B4GALT1: variants seen among roughly 807,000 people sequenced by gnomAD.
The protein encoded by B4GALT1 is N-acetyllactosamine synthase.
In B4GALT1, 16 loss-of-function variants were observed where a neutral mutation model predicts 34.9. The observed-to-expected ratio is 0.46, with a 90% CI of 0.31 to 0.70. The LOEUF (loss-of-function observed/expected upper bound fraction) is 0.70. Among genes scored for constraint, B4GALT1 ranks in the 30% least tolerant of loss-of-function variants. B4GALT1 has a pLI of 0.05. For missense variants in B4GALT1, 445 were observed against 530.5 expected, an observed-to-expected ratio of 0.84 and a Z score of 1.58; for synonymous variants, 221 against 218.1, an observed-to-expected ratio of 1.01 and a Z score of -0.12.
At chr9:33,182,766 T>C in the B4GALT1 span, among the ~76,000 whole-genome samples, 28 of 152,366 alleles carry the variant, frequency 1.8e-4, no homozygotes, top group South Asian at 1.7e-3. Context: ...TTCATTTGGC[T>C]AGGAAACTAA....
At chr9:33,165,335 A>G (rs1327843125) in intron 1 of B4GALT1, among the ~76,000 whole-genome samples, 2 of 152,140 alleles carry the variant, frequency 1.3e-5, no homozygotes, top group Non-Finnish European at 2.9e-5. Flanking sequence ...GTAATCATCG[A>G]CAACCACATT....
chr9:33,151,109 T>C (rs1840511457), intron 1 of B4GALT1, among the ~76,000 whole-genome samples: 1 of 152,148 alleles, frequency 6.6e-6, no homozygotes, highest in African/African-American at 2.4e-5. Context: ...TACAGTATTG[T>C]GGGGATGAAT....
At chr9:33,121,614 C>T (rs1160794627) in intron 2 of B4GALT1, among the ~76,000 whole-genome samples, 3 of 151,642 alleles carry the variant, frequency 2.0e-5, no homozygotes, top group Non-Finnish European at 4.4e-5. Context: ...AAGTGATCCG[C>T]CTGCCTTGGC....
chr9:33,173,779 A>G, the B4GALT1 span, among the ~76,000 whole-genome samples: 4 of 152,184 alleles, frequency 2.6e-5, no homozygotes, highest in African/African-American at 9.7e-5. Flanking sequence ...GGAATATTAC[A>G]AGATGAACCT....
chr9:33,109,868 G>C (rs935033695), downstream of B4GALT1, among the ~76,000 whole-genome samples: 8 of 152,244 alleles, frequency 5.3e-5, no homozygotes, highest in African/African-American at 1.9e-4. Flanking sequence ...GAAGTGTTGT[G>C]AGTGGTGGTG....
At chr9:33,163,146 A>G (rs1840697916) in intron 1 of B4GALT1, among the ~76,000 whole-genome samples, 1 of 152,168 alleles carries the variant, frequency 6.6e-6, no homozygotes, top group Admixed American at 6.5e-5. Flanking sequence ...TGTCCTGGGC[A>G]GCCTGCTTGT....
At position 33,167,152 on chromosome 9, in the gene B4GALT1, C is replaced by T. The variant is rs749452874; in HGVS notation, c.18G>A (p.Pro6=). 15 of 1,600,028 alleles carry T rather than the reference C, an allele frequency of 9.4e-6. No individual in the cohort carries two copies. Among genetic ancestry groups the T allele is most frequent in the Non-Finnish European group, 1.1e-5 (13 of 1,175,538 alleles). Residue 6 remains proline (P), a synonymous_variant, in exon 1 of 6, where the codon CCG becomes CCA. Transcript: ENST00000379731. MRLRE[P]LLSGSAAMPG... ...GCATCGCGGCGCTGCCGCTCAGGAG[C>T]GGCTCCCGAAGCCTCATCTTCCCGC...
intron 1 of B4GALT1, among the ~76,000 whole-genome samples, chr9:33,156,270 A>T (rs1840592620): frequency 6.6e-6 from 1 of 152,084 alleles, no homozygotes; most frequent in African/African-American, 2.4e-5. Context: ...AGTAGCTGGG[A>T]CAACAGGTGC....
chr9:33,167,334 A>C lies in B4GALT1; in HGVS notation c.-165T>G. On this transcript the variant is annotated 5_prime_UTR_variant, in exon 1 of 6. Coordinates refer to ENST00000379731, the MANE Select transcript of B4GALT1 (RefSeq NM_001497.4). ...ACTCCTCCAGCCAGCCAGACCTGGG[A>C]GCGGCGAGAAGCCGCCCGAGGCGCC... The C allele has an allele frequency of 1.1e-6, 1 of 892,604 alleles. No homozygotes were observed. Among genetic ancestry groups the C allele is most frequent in the South Asian group, 4.2e-5 (1 of 23,770 alleles). The allele number at this position is 892,604 out of a possible 1,614,324, so 55.3% of individuals were successfully genotyped here. A position where few individuals can be genotyped will look rare whatever the true frequency, so the allele number is the denominator to read the frequency against.
At chr9:33,107,865 G>A (rs1287768048), downstream of B4GALT1, among the ~76,000 whole-genome samples, 1 of 152,050 alleles carries the variant, frequency 6.6e-6, no homozygotes, top group East Asian at 1.9e-4. Context: ...TGGAAGGGTG[G>A]GGGAAACACT....
At chr9:33,168,565 T>C (rs1310356042), upstream of B4GALT1, among the ~76,000 whole-genome samples, 1 of 152,242 alleles carries the variant, frequency 6.6e-6, no homozygotes, top group Non-Finnish European at 1.5e-5. Context: ...GCTTATGAGT[T>C]GACACTTTGG....
the B4GALT1 span, among the ~76,000 whole-genome samples, chr9:33,177,128 CA>C: frequency 3.9e-5 from 6 of 152,112 alleles, no homozygotes; most frequent in Non-Finnish European, 8.8e-5. Context: ...TGTACTTTTT[CA>C]CAGGCAGCCA....
chr9:33,157,778 C>T (rs1027477558), intron 1 of B4GALT1, among the ~76,000 whole-genome samples: 2 of 151,938 alleles, frequency 1.3e-5, no homozygotes, highest in South Asian at 2.1e-4. Flanking sequence ...CATTATACTA[C>T]CAATAATAAA....
At chr9:33,127,171 G>A (rs1313710132) in intron 2 of B4GALT1, among the ~76,000 whole-genome samples, 2 of 152,062 alleles carry the variant, frequency 1.3e-5, no homozygotes, top group Admixed American at 1.3e-4. Flanking sequence ...CACCATGTTA[G>A]CCAGGATGGT....
the B4GALT1 span, among the ~76,000 whole-genome samples, chr9:33,174,978 AAAAAAAAAAAAAATAT>A: frequency 3.5e-4 from 7 of 19,986 alleles, no homozygotes; most frequent in African/African-American, 6.0e-4. Context: ...AAAAAAAAAA[AAAAAAAAAAAAAATAT>A]ATATATATAT....
chr9:33,149,200 TAAA>T (rs57591247), intron 1 of B4GALT1, among the ~76,000 whole-genome samples: 1 of 147,014 alleles, frequency 6.8e-6, no homozygotes, highest in East Asian at 1.9e-4. Flanking sequence ...AAAAAAAATT[TAAA>T]AAAAAAAAAG....
At chr9:33,150,064 T>C (rs1840487617) in intron 1 of B4GALT1, among the ~76,000 whole-genome samples, 1 of 151,952 alleles carries the variant, frequency 6.6e-6, no homozygotes, top group African/African-American at 2.4e-5. Flanking sequence ...TTTATATATA[T>C]ATTTTTAAAT....
chr9:33,141,104 T>A (rs1361349377), intron 1 of B4GALT1, among the ~76,000 whole-genome samples: 1 of 152,176 alleles, frequency 6.6e-6, no homozygotes. Context: ...CAGCACCACA[T>A]CCATTCATAT....
intron 3 of B4GALT1, among the ~76,000 whole-genome samples, chr9:33,118,482 T>A (rs1462938841): frequency 6.6e-6 from 1 of 151,280 alleles, no homozygotes. Flanking sequence ...GGTAACATAG[T>A]GAGACATCTC....
Sources: gnomAD v4.1 joint callset for allele counts (sites outside exome capture counted in the v4.1 genomes callset) on GRCh38, gnomAD v4.1.1 for gene constraint, MANE v1.5 for transcripts, NCBI Gene and HGNC (gene_info 2026-07-23, HGNC 2026-07-21) for gene names.